The following F5 variants were observed in gnomAD, a reference collection of about 807,000 sequenced individuals.
F5 encodes the protein coagulation factor V.
Under a neutral mutation model 216.4 loss-of-function variants are expected in F5, and 138 were observed. The observed-to-expected ratio is 0.64, with a 90% confidence interval of 0.56 to 0.73. F5 has a LOEUF of 0.73. Ranked by LOEUF, F5 falls within the 30% of genes least tolerant of loss-of-function variation. The pLI is 0.00. For synonymous variants in F5, 916 were observed against 930.7 expected (o/e 0.98, Z 0.29); for missense variants, 2,403 against 2,674.0 (o/e 0.90, Z 2.24).
In F5 at chr1:169,547,890, C is replaced by T. The variant is rs559116803; in HGVS notation, c.1612-1298G>A. Among the ~76,000 whole-genome samples the T allele has an allele frequency of 2.8e-4, 42 of 152,084 alleles. No individual in the cohort carries two copies. In the South Asian group the frequency reaches 2.9e-3, roughly 11 times the overall value. On this transcript the variant is annotated intron_variant, in intron 10 of 24. Transcript: ENST00000367797. ...ATTCTGTTATAAAGACACATGCATG[C>T]GTATGTTCATTTTCGCACTCTTCAC...
At chr1:169,582,817 CAA>C (rs1661018870) in intron 1 of F5, among the ~76,000 whole-genome samples, 1 of 152,158 alleles carries the variant, frequency 6.6e-6, no homozygotes, top group Non-Finnish European at 1.5e-5. Flanking sequence ...AGTAGAAACC[CAA>C]ACTGTAGGTT....
chr1:169,523,955 C>G (rs777021256), intron 19 of F5, 51 bp from the exon 20 acceptor site: 6 of 1,479,704 alleles, frequency 4.1e-6, no homozygotes, highest in Non-Finnish European at 2.8e-6. Flanking sequence ...AAAAACCCAG[C>G]AATTTCTCAA....
intron 21 of F5, among the ~76,000 whole-genome samples, chr1:169,521,394 C>A (rs1659302465): frequency 6.6e-6 from 1 of 152,170 alleles, no homozygotes; most frequent in Non-Finnish European, 1.5e-5. Context: ...TCCCACCCAG[C>A]CACCAAGGAA....
Position 169,542,291 on chromosome 1 carries a change from G to A in F5, c.2799C>T (p.Leu933=), listed in dbSNP as rs1659876557. The change falls in exon 13 of 25, where the codon CTC becomes CTT. Residue 933 remains leucine, a synonymous_variant. Coordinates refer to ENST00000367797, the MANE Select transcript of F5 (RefSeq NM_000130.5). ...PWKDPPSDLL[L]LKQSNSSKIL... ...TCTTAGATGAGTTACTTTGTTTTAA[G>A]AGTAACAGATCACTAGGAGGGTCCT... 6.2e-7 allele frequency: 1 copy of A among 1,614,098 alleles called. No individual in the cohort carries two copies. The highest frequency in any genetic ancestry group is 8.5e-7 in the Non-Finnish European group (1 of 1,179,986).
At chr1:169,529,267 A>T (rs1257417869) in intron 16 of F5, among the ~76,000 whole-genome samples, 1 of 152,234 alleles carries the variant, frequency 6.6e-6, no homozygotes, top group Non-Finnish European at 1.5e-5. Flanking sequence ...TTAGAGATCC[A>T]GAAACAAGCT....
chr1:169,554,602 T>C (rs1234624234), intron 7 of F5, among the ~76,000 whole-genome samples: 1 of 152,222 alleles, frequency 6.6e-6, no homozygotes, highest in Non-Finnish European at 1.5e-5. Context: ...GTATATGCAT[T>C]TAGAATTTTG....
rs560103856 is a variant in F5, at chr1:169,532,469, C to T, written c.4972-1447G>A. On this transcript the variant is annotated intron_variant, in intron 14 of 24. Transcript: ENST00000367797. ...CCCTAAAGACTCCATGAAAAGGCTC[C>T]AGGAACTGATAAATGACTTCAGTAA... is the stretch of plus-strand genomic sequence containing the variant. Among the ~76,000 whole-genome samples, 4 of 152,266 alleles carry T rather than the reference C, an allele frequency of 2.6e-5. No individual in the cohort carries two copies. The East Asian group carries it at 5.8e-4, about 22-fold the overall frequency.
Position 169,540,693 on chromosome 1 carries a change from G to T in F5, c.4397C>A (p.Pro1466His), listed in dbSNP as rs183082585. The T allele has an allele frequency of 7.3e-5, 118 of 1,614,080 alleles. 1 individual carries two copies. The Admixed American group carries it at 1.5e-3, about 21-fold the overall frequency. Residue 1466 changes from proline (P) to histidine (H), a missense_variant, in exon 13 of 25, where the codon CCT becomes CAT. This residue lies in a region of F5 where 293 missense variants were observed against 270.8 expected (regional missense o/e 1.08). Coordinates refer to ENST00000367797, the MANE Select transcript of F5 (RefSeq NM_000130.5). Reference protein sequence around the residue: ...PPPDLDQIFYPSESSQSLLLQ... With the variant: ...PPPDLDQIFYHSESSQSLLLQ... ...AAGCAATGACTGACTAGATTCAGAA[G>T]GGTAGAATATCTGATCAAGGTCTGG...
At chr1:169,538,139 T>G (rs1476786007) in intron 13 of F5, among the ~76,000 whole-genome samples, 1 of 152,118 alleles carries the variant, frequency 6.6e-6, no homozygotes, top group Non-Finnish European at 1.5e-5. Context: ...TGAAATACTA[T>G]TTAGCATTTA....
intron 1 of F5, among the ~76,000 whole-genome samples, chr1:169,582,992 T>C (rs1220345791): frequency 4.6e-5 from 7 of 152,210 alleles, no homozygotes; most frequent in Non-Finnish European, 1.0e-4. Flanking sequence ...AGATGGCTAA[T>C]GGGGTAAAAG....
At chr1:169,527,086 G>A (rs1370728649) in intron 17 of F5, among the ~76,000 whole-genome samples, 1 of 152,018 alleles carries the variant, frequency 6.6e-6, no homozygotes, top group African/African-American at 2.4e-5. Context: ...TAACTCCTCA[G>A]GCAGCATGTG....
At chr1:169,531,707 T>C (rs1213414790) in intron 14 of F5, among the ~76,000 whole-genome samples, 1 of 151,882 alleles carries the variant, frequency 6.6e-6, no homozygotes, top group African/African-American at 2.4e-5. Context: ...AAGGAGCAGG[T>C]TGGGGCCAGA....
At chr1:169,544,003 T>A (rs1255917159) in intron 12 of F5, among the ~76,000 whole-genome samples, 1 of 152,232 alleles carries the variant, frequency 6.6e-6, no homozygotes, top group Non-Finnish European at 1.5e-5. Flanking sequence ...TGCTCTTTTG[T>A]GGCCAAAATA....
chr1:169,536,429 T>C (rs1051844503), intron 14 of F5, 77 bp downstream of exon 14: 5 of 1,232,616 alleles, frequency 4.1e-6, no homozygotes, highest in Non-Finnish European at 6.0e-6. Context: ...ATAGCTCTCT[T>C]GCCACCTGCA....
Position 169,512,114 on chromosome 1 carries a change from G to A in F5, c.*2199C>T, listed in dbSNP as rs995864384. Among the ~76,000 whole-genome samples the A allele has an allele frequency of 1.3e-5, 2 of 151,998 alleles. No homozygotes were observed. Among genetic ancestry groups the A allele is most frequent in the Admixed American group, 6.6e-5 (1 of 15,232 alleles). The stretch of plus-strand genomic sequence containing the variant: ...ATTCATGTCTACCTGTCTGAGCAAT[G>A]GATTAGAAACATTATAAGTTTCATT... On this transcript the variant is annotated 3_prime_UTR_variant, in exon 25 of 25. Transcript: ENST00000367797.
intron 3 of F5, among the ~76,000 whole-genome samples, chr1:169,570,119 C>T (rs1660691037): frequency 6.6e-6 from 1 of 152,024 alleles, no homozygotes; most frequent in African/African-American, 2.4e-5. Flanking sequence ...ATTCATAGGA[C>T]CAGAGGCAAT....
chr1:169,521,386 C>T (rs570248355), intron 21 of F5, among the ~76,000 whole-genome samples: 1 of 152,150 alleles, frequency 6.6e-6, no homozygotes, highest in Non-Finnish European at 1.5e-5. Flanking sequence ...ACTTCCCTTC[C>T]CACCCAGCCA....
intron 7 of F5, among the ~76,000 whole-genome samples, chr1:169,554,958 C>T (rs1215437413): frequency 1.3e-5 from 2 of 152,276 alleles, no homozygotes; most frequent in South Asian, 2.1e-4. Context: ...CAATGGCAAA[C>T]ATTCAACAAA....
intron 11 of F5, among the ~76,000 whole-genome samples, chr1:169,546,180 T>TACAC (rs3835453): frequency 8.6e-4 from 121 of 141,190 alleles, no homozygotes; most frequent in African/African-American, 2.3e-3. Context: ...TATGTCTGTG[T>TACAC]ACACACACAC....
Sources: allele counts gnomAD v4.1 joint callset (sites outside exome capture counted in the v4.1 genomes callset), GRCh38; gene constraint gnomAD v4.1.1; regional missense constraint gnomAD v4.1.1; transcripts MANE v1.5; gene names NCBI Gene and HGNC (gene_info 2026-07-23, HGNC 2026-07-21).